Variants in CACNA2D1 observed in about 807,000 individuals in gnomAD.
CACNA2D1 encodes voltage-dependent calcium channel subunit alpha-2/delta-1.
Under a neutral mutation model 171.5 loss-of-function variants are expected in CACNA2D1, and 53 were observed. The observed-to-expected ratio is 0.31, with a 90% CI of 0.25 to 0.39. The LOEUF is 0.39. Ranked by LOEUF, CACNA2D1 falls within the 10% of genes least tolerant of loss-of-function variation. The probability of loss-of-function intolerance (pLI) is 1.00; values close to 1 mark genes in which losing one functional copy is unlikely to be tolerated. For synonymous variants in CACNA2D1, 442 were observed against 443.1 expected, an observed-to-expected ratio of 1.00 and a Z score of 0.03; for missense variants, 903 against 1,299.8, an observed-to-expected ratio of 0.69 and a Z score of 4.69.
intron 5 of CACNA2D1, among the ~76,000 whole-genome samples, chr7:82,131,915 T>A (rs258702): frequency 6.6e-6 from 1 of 151,962 alleles, no homozygotes; most frequent in African/African-American, 2.4e-5. Context: ...AAATCCACCC[T>A]GTACTGCAAA....
chr7:82,190,526 C>A (rs1181878005), intron 3 of CACNA2D1, among the ~76,000 whole-genome samples: 2 of 151,568 alleles, frequency 1.3e-5, no homozygotes, highest in African/African-American at 4.8e-5. Flanking sequence ...ATATTCAATT[C>A]CCAGAAAGAT....
intron 3 of CACNA2D1, among the ~76,000 whole-genome samples, chr7:82,218,412 A>G (rs1316735831): frequency 2.6e-5 from 4 of 152,222 alleles, no homozygotes; most frequent in Non-Finnish European, 5.9e-5. Flanking sequence ...CAGACCAAGA[A>G]GCAGTAAGCC....
At chr7:81,952,736 CTT>C (rs1792752229) in intron 38 of CACNA2D1, among the ~76,000 whole-genome samples, 1 of 152,010 alleles carries the variant, frequency 6.6e-6, no homozygotes, top group Non-Finnish European at 1.5e-5. Flanking sequence ...TTCCTTTACA[CTT>C]TGTTCCTAGA....
intron 6 of CACNA2D1, among the ~76,000 whole-genome samples, chr7:82,098,620 A>G (rs1285912691): frequency 6.6e-6 from 1 of 152,124 alleles, no homozygotes; most frequent in East Asian, 1.9e-4. Flanking sequence ...AAGCCTCAAG[A>G]GACTGAGGCT....
chr7:82,196,448 A>T (rs1031686911), intron 3 of CACNA2D1, among the ~76,000 whole-genome samples: 3 of 152,054 alleles, frequency 2.0e-5, no homozygotes, highest in Non-Finnish European at 4.4e-5. Flanking sequence ...CTGCATTGCT[A>T]CAGTAGGGAG....
chr7:82,005,717 C>G (rs1799051328), intron 17 of CACNA2D1, 48 bp downstream of exon 17: 1 of 1,258,302 alleles, frequency 7.9e-7, no homozygotes. Flanking sequence ...TAAGTTAGTA[C>G]AGAGTTCTAA....
In CACNA2D1 at chr7:82,348,252, T is replaced by C. The variant is rs115106927; in HGVS notation, c.177+1316A>G. Among the ~76,000 whole-genome samples the C allele has an allele frequency of 5.2e-3, 787 of 152,300 alleles. 5 individuals carry two copies. The highest frequency in any genetic ancestry group is 0.018 in the African/African-American group (749 of 41,568). On this transcript the variant is annotated intron_variant, in intron 2 of 38. Coordinates refer to ENST00000356860, the MANE Select transcript of CACNA2D1 (RefSeq NM_000722.4). Reference sequence around the variant, plus strand: ...ACTTCCATAAACTCCATGACTTTCATAGAGGCTCACTTACTACCTACACAC... The same window carrying C: ...ACTTCCATAAACTCCATGACTTTCACAGAGGCTCACTTACTACCTACACAC...
intron 5 of CACNA2D1, among the ~76,000 whole-genome samples, chr7:82,135,234 C>A (rs1791466814): frequency 1.3e-5 from 2 of 151,756 alleles, no homozygotes; most frequent in Non-Finnish European, 2.9e-5. Context: ...ATTTATGTAC[C>A]AGGAAGGTTG....
At chr7:82,339,808 C>A (rs970411001) in intron 2 of CACNA2D1, among the ~76,000 whole-genome samples, 1 of 152,148 alleles carries the variant, frequency 6.6e-6, no homozygotes, top group African/African-American at 2.4e-5. Flanking sequence ...ACATCCATAT[C>A]CTAATCCCCA....
rs191136280 is a variant in CACNA2D1, at chr7:82,078,784, A to G, written c.658+5985T>C. Among the ~76,000 whole-genome samples, 155 of 152,300 alleles carry G rather than the reference A, an allele frequency of 1.0e-3. 1 individual carries two copies. Among genetic ancestry groups the G allele is most frequent in the Middle Eastern group, 3.4e-3 (1 of 294 alleles). On this transcript the variant is annotated intron_variant, in intron 7 of 38. Coordinates refer to ENST00000356860, the MANE Select transcript of CACNA2D1 (RefSeq NM_000722.4). ...GAAGAAACAGGTACAGAAATATAAT[A>G]TGACTTAAAAGTACAAAGTGACGGT...
chr7:82,229,060 T>A (rs1310071872), intron 3 of CACNA2D1, among the ~76,000 whole-genome samples: 1 of 152,172 alleles, frequency 6.6e-6, no homozygotes, highest in Non-Finnish European at 1.5e-5. Context: ...GTTTTCTGAA[T>A]AACACCATCA....
intron 12 of CACNA2D1, among the ~76,000 whole-genome samples, chr7:82,031,712 G>A (rs748343168): frequency 2.6e-5 from 4 of 151,698 alleles, no homozygotes; most frequent in African/African-American, 7.3e-5. Flanking sequence ...CAAACTGTTC[G>A]CCATTATTCA....
chr7:81,995,042 A>G (rs1797899480), intron 19 of CACNA2D1, 103 bp from the exon 20 acceptor site: 2 of 652,006 alleles, frequency 3.1e-6, no homozygotes. Flanking sequence ...CTTATTTAGA[A>G]CAAATAAAAT....
intron 4 of CACNA2D1, among the ~76,000 whole-genome samples, chr7:82,148,915 G>T (rs1271575085): frequency 1.3e-5 from 2 of 152,178 alleles, no homozygotes; most frequent in African/African-American, 4.8e-5. Flanking sequence ...GGGATTACAG[G>T]CGTGAGCCAC....
At chr7:82,237,351 G>A (rs1413740219) in intron 3 of CACNA2D1, among the ~76,000 whole-genome samples, 1 of 151,768 alleles carries the variant, frequency 6.6e-6, no homozygotes, top group Non-Finnish European at 1.5e-5. Context: ...AATTTTTACT[G>A]AACATAAGGC....
At chr7:82,025,364 G>A (rs771983732) in intron 12 of CACNA2D1, among the ~76,000 whole-genome samples, 1 of 151,314 alleles carries the variant, frequency 6.6e-6, no homozygotes, top group African/African-American at 2.4e-5. Flanking sequence ...TGTTAAGTTC[G>A]CCTCCTTTGT....
In CACNA2D1 at chr7:82,111,422, ATGTG is replaced by A. The variant is rs1264458945; in HGVS notation, c.526+5618_526+5621del. ...TATATATATTCATATATGTGTATAT[ATGTG>A]TGTATATATATATATATATTTTTTT... On this transcript the variant is annotated intron_variant, in intron 6 of 38. Coordinates refer to ENST00000356860, the MANE Select transcript of CACNA2D1 (RefSeq NM_000722.4). Among the ~76,000 whole-genome samples, 71 of 71,494 alleles carry A rather than the reference ATGTG, an allele frequency of 9.9e-4. 1 individual carries two copies. The highest frequency in any genetic ancestry group is 2.6e-3 in the African/African-American group (49 of 18,972). 46.9% of individuals were successfully genotyped at this position (71,494 alleles called of 152,430 possible). A position where few individuals can be genotyped will look rare whatever the true frequency, so the allele number is the denominator to read the frequency against.
chr7:82,368,256 T>C lies in CACNA2D1; in HGVS notation c.96-18607A>G, dbSNP rs1195917810. Among the ~76,000 whole-genome samples the C allele has an allele frequency of 2.6e-5, 4 of 152,220 alleles. No individual in the cohort carries two copies. In the East Asian group the frequency reaches 7.7e-4, roughly 29 times the overall value. ...ATTGTAGAAGTATTTCCCTATGAAA[T>C]TCAAGTATTGGCACTAGAATAAATG... is the stretch of plus-strand genomic sequence containing the variant. On this transcript the variant is annotated intron_variant, in intron 1 of 38. Transcript: ENST00000356860.
At chr7:82,187,728 G>T (rs1797908643) in intron 3 of CACNA2D1, among the ~76,000 whole-genome samples, 1 of 152,092 alleles carries the variant, frequency 6.6e-6, no homozygotes, top group Admixed American at 6.6e-5. Flanking sequence ...TTTAGGAGCT[G>T]TGTAGATTGC....
Sources: allele counts gnomAD v4.1 joint callset (sites outside exome capture counted in the v4.1 genomes callset), GRCh38; gene constraint gnomAD v4.1.1; transcripts MANE v1.5; gene names NCBI Gene and HGNC (gene_info 2026-07-23, HGNC 2026-07-21).